The following GAD2 variants were observed in gnomAD, a reference collection of about 807,000 sequenced individuals.
GAD2 encodes glutamate decarboxylase 2.
A neutral mutation model predicts 80.1 loss-of-function variants in GAD2; 22 were observed. That is an observed-to-expected ratio of 0.27 (90% CI 0.20 to 0.39). The LOEUF (loss-of-function observed/expected upper bound fraction) is 0.39, where lower values mean the gene tolerates loss of function less well. Ranked by LOEUF, GAD2 falls within the 10% of genes least tolerant of loss-of-function variation. The probability of loss-of-function intolerance (pLI) is 1.00; values close to 1 mark genes in which losing one functional copy is unlikely to be tolerated. For missense variants in GAD2, 624 were observed against 738.4 expected, an observed-to-expected ratio of 0.85 and a Z score of 1.80; for synonymous variants, 274 against 256.9, an observed-to-expected ratio of 1.07 and a Z score of -0.64.
intron 10 of GAD2, among the ~76,000 whole-genome samples, chr10:26,272,655 G>C (rs1845149672): frequency 6.6e-6 from 1 of 152,230 alleles, no homozygotes; most frequent in Admixed American, 6.5e-5. Context: ...CCTGAAGTCA[G>C]AAGTTCGAGA....
chr10:26,268,265 G>A (rs887999081), intron 8 of GAD2, among the ~76,000 whole-genome samples: 5 of 152,048 alleles, frequency 3.3e-5, no homozygotes, highest in Admixed American at 6.5e-5. Flanking sequence ...TCAGGAGATC[G>A]AGACCATCCT....
At position 26,304,042 on chromosome 10, in the gene GAD2, C is replaced by T. The variant is rs1399077871; in HGVS notation, c.*3081C>T. On this transcript the variant is annotated 3_prime_UTR_variant, in exon 16 of 16. Transcript: ENST00000376261. ...CACATCGGCTCTAATAGAGAACATG[C>T]CCTCAGCTAAGCCCCCTACTGAGAA... 6.6e-6 allele frequency: 1 copy of T among 152,166 alleles called. No homozygotes were observed. The highest frequency in any genetic ancestry group is 1.5e-5 in the Non-Finnish European group (1 of 68,034). 9.4% of individuals were successfully genotyped at this position (152,166 alleles called of 1,614,324 possible). A position where few individuals can be genotyped will look rare whatever the true frequency, so the allele number is the denominator to read the frequency against.
Position 26,217,356 on chromosome 10 carries a change from T to C in GAD2, c.77-254T>C, listed in dbSNP as rs1306755651. On this transcript the variant is annotated intron_variant, in intron 1 of 15. Transcript: ENST00000376261. This position sits in a 1 kb window ranked among gnomAD's most constrained non-coding sequence, Gnocchi z 4.9. ...AGGGAGAGGAATTTGCCTGAGCCGATTGGCACCTGGAAGGGCAGCGGTGTG... is the reference window on the plus strand; with the variant it reads ...AGGGAGAGGAATTTGCCTGAGCCGACTGGCACCTGGAAGGGCAGCGGTGTG... 2.6e-5 allele frequency among the ~76,000 whole-genome samples: 4 copies of C among 152,124 alleles called. No homozygotes were observed. Among genetic ancestry groups the C allele is most frequent in the African/African-American group, 7.2e-5 (3 of 41,434 alleles).
chr10:26,294,853 A>G (rs988594561), intron 15 of GAD2, among the ~76,000 whole-genome samples: 3 of 151,998 alleles, frequency 2.0e-5, no homozygotes, highest in Non-Finnish European at 4.4e-5. Context: ...AAAAATTCTT[A>G]TTTTTCCTGG....
chr10:26,221,760 C>T (rs1844454921), intron 4 of GAD2, among the ~76,000 whole-genome samples: 1 of 152,234 alleles, frequency 6.6e-6, no homozygotes. Context: ...CCAGTTCTCA[C>T]ATCTCAAGCT....
intron 10 of GAD2, 49 bp downstream of exon 10, chr10:26,270,805 C>A: frequency 8.8e-7 from 1 of 1,138,236 alleles, no homozygotes; most frequent in South Asian, 1.2e-5. Flanking sequence ...GCACGTTTTT[C>A]ATGTGGGACA....
rs760953714 is a variant in GAD2, at chr10:26,217,698, G to A, written c.136+29G>A. The stretch of plus-strand genomic sequence containing the variant: ...AGTGCCCAGGGACCGGGGCGGCCAA[G>A]GTCGGCCCGCGGGGTCCAAGCAGTC... On this transcript the variant is annotated intron_variant, in intron 2 of 15. Coordinates refer to ENST00000376261, the MANE Select transcript of GAD2 (RefSeq NM_001134366.2). The surrounding 1 kb of genome is among the most constrained non-coding windows in gnomAD (Gnocchi z 4.9). 5.6e-6 allele frequency: 9 copies of A among 1,610,496 alleles called. No individual in the cohort carries two copies. The highest frequency in any genetic ancestry group is 2.2e-5 in the South Asian group (2 of 90,464).
At chr10:26,243,045 C>A (rs531060890) in intron 7 of GAD2, among the ~76,000 whole-genome samples, 1 of 147,980 alleles carries the variant, frequency 6.8e-6, no homozygotes, top group Non-Finnish European at 1.5e-5. Context: ...ACAAAAAACC[C>A]CCCCCCTTTT....
intron 5 of GAD2, 87 bp downstream of exon 5, chr10:26,224,064 TTTA>T: frequency 1.1e-6 from 1 of 945,206 alleles, no homozygotes; most frequent in Non-Finnish European, 1.6e-6. Flanking sequence ...AAATCTGTTT[TTTA>T]TTAAGTAGCC....
At chr10:26,231,557 C>A (rs188972717) in intron 7 of GAD2, among the ~76,000 whole-genome samples, 1 of 152,174 alleles carries the variant, frequency 6.6e-6, no homozygotes, top group African/African-American at 2.4e-5. Flanking sequence ...CCTTCTTCAA[C>A]GTATAGGGGT....
chr10:26,216,954 G>A lies in GAD2; in HGVS notation c.76+69G>A. ...GGTCTGGGGTTTGCGGAACTACGGA[G>A]AAGACGAAGGAGGTTTTTCCACCTG... On this transcript the variant is annotated intron_variant, in intron 1 of 15. Coordinates refer to ENST00000376261, the MANE Select transcript of GAD2 (RefSeq NM_001134366.2). The surrounding 1 kb of genome is among the most constrained non-coding windows in gnomAD (Gnocchi z 4.7). 1 of 1,356,510 alleles carries A rather than the reference G, an allele frequency of 7.4e-7. No individual in the cohort carries two copies. The highest frequency in any genetic ancestry group is 1.0e-6 in the Non-Finnish European group (1 of 967,644). The allele number at this position is 1,356,510 out of a possible 1,614,324, so 84.0% of individuals were successfully genotyped here. A position where few individuals can be genotyped will look rare whatever the true frequency, so the allele number is the denominator to read the frequency against.
At chr10:26,266,677 GT>G (rs1292663707) in intron 8 of GAD2, among the ~76,000 whole-genome samples, 4 of 152,164 alleles carry the variant, frequency 2.6e-5, no homozygotes, top group African/African-American at 7.2e-5. Flanking sequence ...GGAGTTCATG[GT>G]TTGACAAGCC....
chr10:26,251,328 C>A (rs887430112), intron 8 of GAD2, among the ~76,000 whole-genome samples: 1 of 152,044 alleles, frequency 6.6e-6, no homozygotes, highest in Non-Finnish European at 1.5e-5. Flanking sequence ...ATTTAGAGAG[C>A]TGGCTTTGGA....
intron 7 of GAD2, among the ~76,000 whole-genome samples, chr10:26,230,783 G>A (rs1254627898): frequency 6.6e-6 from 1 of 151,362 alleles, no homozygotes; most frequent in African/African-American, 2.4e-5. Context: ...CAGAGGTTTT[G>A]TTACCATAAA....
chr10:26,231,256 A>G (rs1354173132), intron 7 of GAD2, among the ~76,000 whole-genome samples: 1 of 152,192 alleles, frequency 6.6e-6, no homozygotes, highest in African/African-American at 2.4e-5. Flanking sequence ...GGCTCCTGTA[A>G]GGAAATGTCA....
intron 7 of GAD2, 143 bp from the exon 8 acceptor site, chr10:26,245,778 A>G (rs8190669): frequency 3.1e-4 from 200 of 654,868 alleles, no homozygotes; most frequent in African/African-American, 2.6e-3. Flanking sequence ...CAAGTGAAGG[A>G]TGCCATCTTC....
intron 8 of GAD2, among the ~76,000 whole-genome samples, chr10:26,248,394 G>A: frequency 6.6e-6 from 1 of 152,168 alleles, no homozygotes; most frequent in East Asian, 1.9e-4. Flanking sequence ...AAGAAATTTA[G>A]AGCAAAGAAA....
intron 12 of GAD2, among the ~76,000 whole-genome samples, chr10:26,285,822 A>G (rs998466494): frequency 1.3e-5 from 2 of 152,054 alleles, no homozygotes; most frequent in African/African-American, 4.8e-5. Context: ...GAGCTGCCTT[A>G]AAAGCTATGA....
chr10:26,282,983 A>G (rs1280917017), intron 12 of GAD2, among the ~76,000 whole-genome samples: 1 of 152,240 alleles, frequency 6.6e-6, no homozygotes, highest in Non-Finnish European at 1.5e-5. Flanking sequence ...GACCTCAACT[A>G]TAATTACTTC....
Sources: gnomAD v4.1 joint callset for allele counts (sites outside exome capture counted in the v4.1 genomes callset) on GRCh38, gnomAD v4.1.1 for gene constraint, Gnocchi (gnomAD v3.1) non-coding constraint, MANE v1.5 for transcripts, NCBI Gene and HGNC (gene_info 2026-07-23, HGNC 2026-07-21) for gene names.